SIPA1L1: variants seen among roughly 807,000 people sequenced by gnomAD.
The protein encoded by SIPA1L1 is signal-induced proliferation-associated 1-like protein 1.
In SIPA1L1, 26 loss-of-function variants were observed where a neutral mutation model predicts 162.7. The ratio of observed to expected loss-of-function variants is 0.16; its 90% CI spans 0.12 to 0.22. SIPA1L1 has a LOEUF of 0.22. Among genes scored for constraint, SIPA1L1 ranks in the 10% least tolerant of loss-of-function variants. The pLI is 1.00. For synonymous variants in SIPA1L1, 829 were observed against 837.4 expected (o/e 0.99, Z 0.17); for missense variants, 1,874 against 2,241.0 (o/e 0.84, Z 3.31).
intron 3 of SIPA1L1, among the ~76,000 whole-genome samples, chr14:71,523,117 G>A (rs756894256): frequency 5.9e-5 from 9 of 151,688 alleles, no homozygotes; most frequent in Non-Finnish European, 1.0e-4. Flanking sequence ...TTAAAGTTCA[G>A]TTATCACATT....
intron 12 of SIPA1L1, among the ~76,000 whole-genome samples, chr14:71,673,519 A>G (rs973883212): frequency 6.6e-6 from 1 of 152,192 alleles, no homozygotes; most frequent in South Asian, 2.1e-4. Flanking sequence ...TGTGAATATC[A>G]GATGGTAGAA....
At chr14:71,641,280 T>TAAAAAAAAAAAAAA (rs764035937) in intron 7 of SIPA1L1, among the ~76,000 whole-genome samples, 1 of 100,816 alleles carries the variant, frequency 9.9e-6, no homozygotes, top group Non-Finnish European at 2.1e-5. Flanking sequence ...CAAGATAATC[T>TAAAAAAAAAAAAAA]AAAAAAAAAA....
intron 4 of SIPA1L1, among the ~76,000 whole-genome samples, chr14:71,556,254 C>G (rs117446116): frequency 2.6e-5 from 4 of 152,160 alleles, no homozygotes; most frequent in African/African-American, 7.2e-5. Context: ...ACTCTCAAAC[C>G]GTGTCTTTCC....
intron 2 of SIPA1L1, among the ~76,000 whole-genome samples, chr14:71,474,902 A>C (rs751397069): frequency 6.6e-6 from 1 of 152,224 alleles, no homozygotes; most frequent in Non-Finnish European, 1.5e-5. Context: ...AAAATGAATG[A>C]GTTTTCTTAA....
intron 2 of SIPA1L1, among the ~76,000 whole-genome samples, chr14:71,380,498 T>C (rs544193110): frequency 6.6e-6 from 1 of 152,348 alleles, no homozygotes; most frequent in Admixed American, 6.5e-5. Context: ...TAATTGCCTG[T>C]GTTGTTACTG....
chr14:71,554,318 A>G (rs1245292517), intron 4 of SIPA1L1, among the ~76,000 whole-genome samples: 2 of 143,852 alleles, frequency 1.4e-5, no homozygotes, highest in African/African-American at 5.3e-5. Context: ...ACATGAAGCC[A>G]TGATATTGAA....
intron 7 of SIPA1L1, among the ~76,000 whole-genome samples, chr14:71,637,213 A>G (rs1177169898): frequency 4.6e-5 from 7 of 152,188 alleles, no homozygotes; most frequent in Admixed American, 2.0e-4. Context: ...ACTGACAAAG[A>G]AAAACAGACA....
At chr14:71,526,159 C>G (rs764468318) in intron 3 of SIPA1L1, among the ~76,000 whole-genome samples, 14 of 152,062 alleles carry the variant, frequency 9.2e-5, no homozygotes, top group Admixed American at 4.6e-4. Flanking sequence ...GTAATGTGTC[C>G]CGTATTGTTT....
intron 2 of SIPA1L1, among the ~76,000 whole-genome samples, chr14:71,471,297 C>T (rs1376921325): frequency 6.6e-6 from 1 of 152,164 alleles, no homozygotes; most frequent in Non-Finnish European, 1.5e-5. Flanking sequence ...GGTGAAACTC[C>T]ATCTCTACTA....
At chr14:71,542,652 CCCTCCTCCTCCTCCCTCCTCCTCCT>C (rs1249245497) in intron 4 of SIPA1L1, among the ~76,000 whole-genome samples, 1 of 89,926 alleles carries the variant, frequency 1.1e-5, no homozygotes, top group Non-Finnish European at 2.4e-5. Flanking sequence ...TTCTTTCTTC[CCCTCCTCCTCCTCCCTCCTCCTCCT>C]CCTCCTTCCT....
intron 4 of SIPA1L1, among the ~76,000 whole-genome samples, chr14:71,584,221 A>G (rs1203518082): frequency 6.6e-6 from 1 of 152,170 alleles, no homozygotes; most frequent in Non-Finnish European, 1.5e-5. Flanking sequence ...TCCAGAAAAG[A>G]GAGGTTCAGG....
chr14:71,529,204 T>G (rs1235348040), intron 3 of SIPA1L1, 108 bp from the exon 4 acceptor site: 2 of 416,588 alleles, frequency 4.8e-6, no homozygotes, highest in East Asian at 6.9e-5. Context: ...GAAAGGCTGG[T>G]TTGCCTCTTC....
intron 2 of SIPA1L1, among the ~76,000 whole-genome samples, chr14:71,374,425 A>G (rs1391042252): frequency 6.6e-6 from 1 of 151,916 alleles, no homozygotes; most frequent in Admixed American, 6.5e-5. Context: ...AGAGCCTTCA[A>G]GGTTGCACAC....
At chr14:71,370,586 C>T (rs2038794413) in intron 2 of SIPA1L1, among the ~76,000 whole-genome samples, 1 of 152,116 alleles carries the variant, frequency 6.6e-6, no homozygotes, top group African/African-American at 2.4e-5. Context: ...AGGGGCAGTA[C>T]TTATTTTTGG....
chr14:71,731,420 T>C (rs1004279877), intron 20 of SIPA1L1, among the ~76,000 whole-genome samples: 2 of 152,168 alleles, frequency 1.3e-5, no homozygotes, highest in African/African-American at 4.8e-5. Flanking sequence ...TGAACCAAGG[T>C]TGGCACATGA....
intron 2 of SIPA1L1, among the ~76,000 whole-genome samples, chr14:71,501,348 A>G (rs2050198982): frequency 6.6e-6 from 1 of 152,000 alleles, no homozygotes; most frequent in Non-Finnish European, 1.5e-5. Context: ...AAAAATAAAT[A>G]TATATGAAGA....
At chr14:71,396,083 G>A (rs2041172576) in intron 2 of SIPA1L1, among the ~76,000 whole-genome samples, 1 of 151,936 alleles carries the variant, frequency 6.6e-6, no homozygotes, top group Non-Finnish European at 1.5e-5. Flanking sequence ...CTTGCTTAAG[G>A]TGTCAGGATC....
At chr14:71,359,156 G>A (rs2037556845) in intron 2 of SIPA1L1, among the ~76,000 whole-genome samples, 1 of 152,150 alleles carries the variant, frequency 6.6e-6, no homozygotes, top group Non-Finnish European at 1.5e-5. Context: ...CTGAATCATT[G>A]GGGCAGGTTT....
At chr14:71,403,599 CAAAAA>C (rs147285643) in intron 2 of SIPA1L1, among the ~76,000 whole-genome samples, 3 of 69,296 alleles carry the variant, frequency 4.3e-5, no homozygotes, top group South Asian at 5.5e-4. Context: ...GACTCTGTCT[CAAAAA>C]AAAAAAAAAA....
Sources: gnomAD v4.1 joint callset for allele counts (sites outside exome capture counted in the v4.1 genomes callset) on GRCh38, gnomAD v4.1.1 for gene constraint, MANE v1.5 for transcripts, NCBI Gene and HGNC (gene_info 2026-07-23, HGNC 2026-07-21) for gene names.